The following MAEA variants were observed in gnomAD, a reference collection of about 807,000 sequenced individuals.
MAEA encodes macrophage erythroblast attacher, E3 ubiquitin ligase.
MAEA carries 22 observed loss-of-function variants against 46.2 expected under a neutral mutation model. The ratio of observed to expected loss-of-function variants is 0.48; its 90% CI spans 0.34 to 0.68. The LOEUF (loss-of-function observed/expected upper bound fraction) is 0.68, where lower values mean the gene tolerates loss of function less well. Ranked by LOEUF, MAEA falls within the 30% of genes least tolerant of loss-of-function variation. The pLI is 0.01. For missense variants in MAEA, 393 were observed against 558.1 expected (o/e 0.70, Z 2.98); for synonymous variants, 246 against 222.6 (o/e 1.11, Z -0.94).
intron 5 of MAEA, among the ~76,000 whole-genome samples, chr4:1,328,300 C>T (rs1008099579): frequency 1.3e-5 from 2 of 152,226 alleles, no homozygotes; most frequent in Non-Finnish European, 2.9e-5. Context: ...TGCACGGCGT[C>T]TGCAAAGGAA....
chr4:1,329,185 G>A, intron 5 of MAEA: 1 of 985,750 alleles, frequency 1.0e-6, no homozygotes, highest in South Asian at 4.7e-5. Context: ...TTCCGCATAG[G>A]GTCTGTTGAC....
chr4:1,332,929 C>T lies in MAEA; in HGVS notation c.765+64C>T, dbSNP rs890822654. ...TGGGGATCCAGGGTGTGTCTCTGGT[C>T]TGTAGCTGCTTCCACACGTGGGGCG... On this transcript the variant is annotated intron_variant, in intron 6 of 8. Transcript: ENST00000303400. The T allele has an allele frequency of 7.1e-6, 9 of 1,263,740 alleles. No individual in the cohort carries two copies. In the African/African-American group the frequency reaches 1.2e-4, roughly 17 times the overall value. The allele number at this position is 1,263,740 out of a possible 1,614,324, so 78.3% of individuals were successfully genotyped here.
chr4:1,326,671 C>T (rs1233424459), intron 4 of MAEA, among the ~76,000 whole-genome samples: 1 of 150,782 alleles, frequency 6.6e-6, no homozygotes, highest in African/African-American at 2.4e-5. Context: ...GCAGCCCCAA[C>T]TCGGCCTCTC....
rs1713215189 is a variant in MAEA, at chr4:1,339,244, CG to C, written c.*76del. ...GAGGCCACGCCTTCCTCCTGTCCCA[CG>C]CTCCAGCCTGCCGCGGCGTTTCTGT... On this transcript the variant is annotated 3_prime_UTR_variant, in exon 9 of 9. Coordinates refer to ENST00000303400, the MANE Select transcript of MAEA (RefSeq NM_001017405.3). The C allele has an allele frequency of 9.4e-6, 10 of 1,068,830 alleles. No homozygotes were observed. Among genetic ancestry groups the C allele is most frequent in the Non-Finnish European group, 1.5e-5 (10 of 687,452 alleles). 66.2% of individuals were successfully genotyped at this position (1,068,830 alleles called of 1,614,324 possible). A position where few individuals can be genotyped will look rare whatever the true frequency, so the allele number is the denominator to read the frequency against.
At position 1,314,048 on chromosome 4, in the gene MAEA, G is replaced by A. The variant is rs982808310; in HGVS notation, c.253-1349G>A. On this transcript the variant is annotated intron_variant, in intron 2 of 8. Coordinates refer to ENST00000303400, the MANE Select transcript of MAEA (RefSeq NM_001017405.3). Reference sequence around the variant, plus strand: ...GACACTGTCTTAAAAAAGTGATTGGGCAGGCACAGTGGCTCACGCCTGCAA... The same window carrying A: ...GACACTGTCTTAAAAAAGTGATTGGACAGGCACAGTGGCTCACGCCTGCAA... Among the ~76,000 whole-genome samples, 10 of 152,024 alleles carry A rather than the reference G, an allele frequency of 6.6e-5. No homozygotes were observed. The South Asian group carries it at 1.2e-3, about 19-fold the overall frequency.
At chr4:1,316,965 CCA>C (rs1737279822) in intron 3 of MAEA, among the ~76,000 whole-genome samples, 1 of 147,106 alleles carries the variant, frequency 6.8e-6, no homozygotes, top group African/African-American at 2.5e-5. Context: ...ACCTGCAGGC[CCA>C]CCACGGCCCC....
chr4:1,330,163 G>C, intron 5 of MAEA: 2 of 984,842 alleles, frequency 2.0e-6, no homozygotes, highest in Non-Finnish European at 2.4e-6. Context: ...TTAATTTTTA[G>C]TAAATGAGTA....
At chr4:1,336,633 AT>A in intron 6 of MAEA, among the ~76,000 whole-genome samples, 2 of 152,080 alleles carry the variant, frequency 1.3e-5, no homozygotes, top group African/African-American at 4.8e-5. Flanking sequence ...GTCAGCACTC[AT>A]CCCGCAGCAT....
chr4:1,298,503 C>G (rs1344738582), intron 1 of MAEA, among the ~76,000 whole-genome samples: 1 of 152,210 alleles, frequency 6.6e-6, no homozygotes. Context: ...CTTGGGGTCT[C>G]TGGAATTGCT....
intron 3 of MAEA, among the ~76,000 whole-genome samples, chr4:1,321,136 T>C (rs1207212285): frequency 6.6e-6 from 1 of 151,526 alleles, no homozygotes; most frequent in Non-Finnish European, 1.5e-5. Flanking sequence ...AAGAAAATGC[T>C]TTGAAGGGGC....
chr4:1,320,410 C>T (rs1030905692), intron 3 of MAEA, among the ~76,000 whole-genome samples: 2 of 128,196 alleles, frequency 1.6e-5, no homozygotes, highest in South Asian at 2.5e-4. Flanking sequence ...TGCAGGAAAA[C>T]GCTGTGAAGG....
intron 5 of MAEA, among the ~76,000 whole-genome samples, chr4:1,328,304 AAAGG>A (rs967911586): frequency 1.3e-5 from 2 of 152,168 alleles, no homozygotes; most frequent in African/African-American, 4.8e-5. Context: ...CGGCGTCTGC[AAAGG>A]AAGAGAGGCT....
At chr4:1,326,726 C>T (rs542125763) in intron 4 of MAEA, among the ~76,000 whole-genome samples, 11 of 152,176 alleles carry the variant, frequency 7.2e-5, no homozygotes, top group East Asian at 5.8e-4. Context: ...TCACGCGAGC[C>T]GCCCCTTGGC....
At chr4:1,327,508 G>A (rs1738998723) in intron 4 of MAEA, 119 bp from the exon 5 acceptor site, 1 of 767,086 alleles carries the variant, frequency 1.3e-6, no homozygotes, top group African/African-American at 1.7e-5. Flanking sequence ...CCGTGCCTGT[G>A]AGAGAGGGGT....
Position 1,338,631 on chromosome 4 carries a change from G to A in MAEA, c.1095+14G>A. ...TACGGCTACAATGTGAGGGGGGCAG[G>A]GCAGGGGGGCCAGGCTGGCACGCAT... On this transcript the variant is annotated intron_variant, in intron 8 of 8. Coordinates refer to ENST00000303400, the MANE Select transcript of MAEA (RefSeq NM_001017405.3). 1 of 1,588,828 alleles carries A rather than the reference G, an allele frequency of 6.3e-7. No individual in the cohort carries two copies. Among genetic ancestry groups the A allele is most frequent in the Non-Finnish European group, 8.6e-7 (1 of 1,167,982 alleles).
intron 7 of MAEA, chr4:1,337,441 G>A: frequency 4.5e-6 from 1 of 221,176 alleles, no homozygotes; most frequent in Non-Finnish European, 9.2e-6. Flanking sequence ...CATCCTGCCT[G>A]TGACTCTGTC....
At chr4:1,321,250 AAAG>A (rs1157614255) in intron 3 of MAEA, among the ~76,000 whole-genome samples, 2 of 145,990 alleles carry the variant, frequency 1.4e-5, no homozygotes, top group African/African-American at 2.4e-5. Context: ...GGGCTTCAGA[AAAG>A]AAATCATCAA....
chr4:1,329,272 C>G (rs894776559), intron 5 of MAEA: 1 of 983,132 alleles, frequency 1.0e-6, no homozygotes, highest in Non-Finnish European at 1.2e-6. Context: ...ACCTGTGTTC[C>G]CCCCGCTCCG....
At chr4:1,322,566 GA>G in intron 4 of MAEA, 63 bp downstream of exon 4, 2 of 1,593,232 alleles carry the variant, frequency 1.3e-6, no homozygotes, top group South Asian at 2.3e-5. Context: ...ACCTGCCCTG[GA>G]GCCAGCACCC....
Sources: gnomAD v4.1 joint callset for allele counts (sites outside exome capture counted in the v4.1 genomes callset) on GRCh38, gnomAD v4.1.1 for gene constraint, MANE v1.5 for transcripts, NCBI Gene and HGNC (gene_info 2026-07-23, HGNC 2026-07-21) for gene names.